The following RWDD4 variants were observed in gnomAD, a reference collection of about 807,000 sequenced individuals.
RWDD4 encodes RWD domain-containing protein 4.
A neutral mutation model predicts 30.0 loss-of-function variants in RWDD4; 16 were observed. The observed-to-expected ratio is 0.53, with a 90% CI of 0.36 to 0.81. The LOEUF (loss-of-function observed/expected upper bound fraction) is 0.81, where lower values mean the gene tolerates loss of function less well. Among genes scored for constraint, RWDD4 ranks in the 30% least tolerant of loss-of-function variants. The probability of loss-of-function intolerance (pLI) is 0.00; values close to 1 mark genes in which losing one functional copy is unlikely to be tolerated. For synonymous variants in RWDD4, 45 were observed against 72.1 expected, an observed-to-expected ratio of 0.62 and a Z score of 1.90; for missense variants, 170 against 223.9, an observed-to-expected ratio of 0.76 and a Z score of 1.54.
intron 2 of RWDD4, chr4:183,653,485 C>G (rs1486601075): frequency 6.6e-6 from 1 of 152,100 alleles, no homozygotes; most frequent in African/African-American, 2.4e-5. Flanking sequence ...CAACCTTTCA[C>G]CCAAAGGTTT....
chr4:183,653,422 A>T (rs1045406318), intron 2 of RWDD4: 1 of 151,910 alleles, frequency 6.6e-6, no homozygotes, highest in Admixed American at 6.6e-5. Context: ...AAAAAAAATC[A>T]TCATCGTCTG....
intron 1 of RWDD4, among the ~76,000 whole-genome samples, chr4:183,657,879 C>G (rs1347328416): frequency 6.6e-6 from 1 of 152,194 alleles, no homozygotes. Flanking sequence ...CCTGGGCCCA[C>G]CACAGAAATT....
At chr4:183,643,053 C>T (rs1417955110) in intron 7 of RWDD4, among the ~76,000 whole-genome samples, 3 of 125,842 alleles carry the variant, frequency 2.4e-5, no homozygotes, top group Non-Finnish European at 3.2e-5. Context: ...AGCGAGACTC[C>T]GTTCAAAAAT....
chr4:183,655,431 G>C (rs1048917213), intron 2 of RWDD4, among the ~76,000 whole-genome samples: 1 of 151,596 alleles, frequency 6.6e-6, no homozygotes, highest in African/African-American at 2.4e-5. Flanking sequence ...ACAGGCGCCC[G>C]CCACCATGCC....
At position 183,658,987 on chromosome 4, in the gene RWDD4, C is replaced by T; in HGVS notation, c.-35G>A. On this transcript the variant is annotated 5_prime_UTR_variant, in exon 1 of 8. Coordinates refer to ENST00000326397, the MANE Select transcript of RWDD4 (RefSeq NM_152682.4). ...CGCGGGGCGCCTCCTGAGCGGACGG[C>T]GTTCGCAACAACGAAGAGAAAGCGA... 3.2e-6 allele frequency: 4 copies of T among 1,264,114 alleles called. No individual in the cohort carries two copies. The highest frequency in any genetic ancestry group is 4.0e-6 in the Non-Finnish European group (4 of 1,005,110). 78.3% of individuals were successfully genotyped at this position (1,264,114 alleles called of 1,614,324 possible).
intron 2 of RWDD4, among the ~76,000 whole-genome samples, chr4:183,653,281 T>A (rs960506221): frequency 5.9e-5 from 9 of 152,002 alleles, no homozygotes; most frequent in African/African-American, 2.2e-4. Flanking sequence ...AATTAAGGAA[T>A]AATCTCGCTG....
chr4:183,651,228 T>TA lies in RWDD4; in HGVS notation c.204dup (p.Asn69Ter), dbSNP rs1325913157. The TA allele has an allele frequency of 6.2e-6, 10 of 1,613,136 alleles. No individual in the cohort carries two copies. Among genetic ancestry groups the TA allele is most frequent in the Non-Finnish European group, 7.6e-6 (9 of 1,179,514 alleles). On this transcript the variant is annotated frameshift_variant, in exon 3 of 8. Transcript: ENST00000326397. LOFTEE classifies it high-confidence loss of function. ...CAAGACACTACTCACATGGTGTTGT[T>TA]AAAAAAAGCGTTCATAGATAGAATT...
At chr4:183,642,630 C>T (rs896247566) in intron 7 of RWDD4, among the ~76,000 whole-genome samples, 24 of 152,188 alleles carry the variant, frequency 1.6e-4, no homozygotes, top group Admixed American at 1.6e-3. Flanking sequence ...TATGCACATC[C>T]TCAACCTACT....
At chr4:183,653,344 G>A (rs1054112342) in intron 2 of RWDD4, among the ~76,000 whole-genome samples, 1 of 151,886 alleles carries the variant, frequency 6.6e-6, no homozygotes, top group South Asian at 2.1e-4. Context: ...TGAGGTGGGA[G>A]GATGACTTGA....
chr4:183,644,553 G>A (rs1390991766), intron 7 of RWDD4, among the ~76,000 whole-genome samples: 1 of 152,180 alleles, frequency 6.6e-6, no homozygotes, highest in Non-Finnish European at 1.5e-5. Flanking sequence ...GAGGTGAGGG[G>A]GGATCGCTTG....
Position 183,659,060 on chromosome 4 carries a change from G to T in RWDD4, c.-108C>A. ...CGTCCCCCTTTCGCGCCTCGGCTGT[G>T]GGGGCGGCACAGTCTTGGCACTGGC... is the stretch of plus-strand genomic sequence containing the variant. On this transcript the variant is annotated 5_prime_UTR_variant, in exon 1 of 8. Coordinates refer to ENST00000326397, the MANE Select transcript of RWDD4 (RefSeq NM_152682.4). 2.3e-6 allele frequency: 2 copies of T among 857,950 alleles called. No individual in the cohort carries two copies. The highest frequency in any genetic ancestry group is 3.1e-6 in the Non-Finnish European group (2 of 646,970). 53.1% of individuals were successfully genotyped at this position (857,950 alleles called of 1,614,324 possible). A position where few individuals can be genotyped will look rare whatever the true frequency, so the allele number is the denominator to read the frequency against.
chr4:183,657,591 T>C (rs550974453), intron 1 of RWDD4, among the ~76,000 whole-genome samples: 7 of 152,190 alleles, frequency 4.6e-5, no homozygotes, highest in Non-Finnish European at 5.9e-5. Context: ...TTGCTTTGTA[T>C]AAAGCACTTA....
At chr4:183,647,153 A>G (rs4600959) in intron 5 of RWDD4, among the ~76,000 whole-genome samples, 39,656 of 152,128 alleles carry the variant, frequency 0.26, 6,270 homozygotes, top group African/African-American at 0.44. Context: ...TTATTATTTT[A>G]ACAGAATATT....
Position 183,655,303 on chromosome 4 carries a change from A to AT in RWDD4, c.105+577dup, listed in dbSNP as rs376578650. On this transcript the variant is annotated intron_variant, in intron 2 of 7. Transcript: ENST00000326397. ...ATTTACAAAATAAAATACTGTTACT[A>AT]TTTTTTTTTTGAGACAGAGTCTCGC... Among the ~76,000 whole-genome samples the AT allele has an allele frequency of 2.7e-4, 40 of 147,022 alleles. 1 individual carries two copies. The East Asian group carries it at 5.1e-3, about 19-fold the overall frequency.
At position 183,651,417 on chromosome 4, in the gene RWDD4, A is replaced by G. The variant is rs924218752; in HGVS notation, c.106-90T>C. ...TCTTCAAAAGGGTGAATTCTTTCCA[A>G]TACTCATGCTCAGATCAGAAATGTA... is the stretch of plus-strand genomic sequence containing the variant. On this transcript the variant is annotated intron_variant, in intron 2 of 7. Coordinates refer to ENST00000326397, the MANE Select transcript of RWDD4 (RefSeq NM_152682.4). 1.2e-5 allele frequency: 11 copies of G among 938,698 alleles called. No homozygotes were observed. In the Admixed American group the frequency reaches 2.2e-4, roughly 18 times the overall value. 58.1% of individuals were successfully genotyped at this position (938,698 alleles called of 1,614,324 possible).
At chr4:183,658,781 TG>T in intron 1 of RWDD4, 147 bp downstream of exon 1, 1 of 599,164 alleles carries the variant, frequency 1.7e-6, no homozygotes, top group Non-Finnish European at 2.4e-6. Context: ...CGCGCTTGGG[TG>T]GGACGCCGGT....
At position 183,651,345 on chromosome 4, in the gene RWDD4, T is replaced by A; in HGVS notation, c.106-18A>T. The stretch of plus-strand genomic sequence containing the variant: ...TCACCTATCTGAAGAGAAGGGGAAA[T>A]CTTAGGCTTGTAAAAGGTGATAAAA... On this transcript the variant is annotated intron_variant, in intron 2 of 7. Transcript: ENST00000326397. 2 of 1,572,510 alleles carry A rather than the reference T, an allele frequency of 1.3e-6. No individual in the cohort carries two copies. The highest frequency in any genetic ancestry group is 1.1e-5 in the South Asian group (1 of 88,150).
intron 4 of RWDD4, among the ~76,000 whole-genome samples, chr4:183,649,794 A>C (rs1466970740): frequency 6.6e-6 from 1 of 152,238 alleles, no homozygotes; most frequent in Non-Finnish European, 1.5e-5. Flanking sequence ...GTTATAACCA[A>C]AATCCTGGGA....
intron 1 of RWDD4, among the ~76,000 whole-genome samples, chr4:183,658,101 T>C (rs1022296978): frequency 1.3e-5 from 2 of 152,242 alleles, no homozygotes; most frequent in Admixed American, 6.5e-5. Context: ...AGCTAGCTTG[T>C]TGGACTTTGG....
Sources: gnomAD v4.1 joint callset for allele counts (sites outside exome capture counted in the v4.1 genomes callset) on GRCh38, gnomAD v4.1.1 for gene constraint, MANE v1.5 for transcripts, NCBI Gene and HGNC (gene_info 2026-07-23, HGNC 2026-07-21) for gene names.